Variants in BACH2 observed in about 807,000 individuals in gnomAD.
The protein encoded by BACH2 is transcription regulator protein BACH2.
BACH2 carries 5 observed loss-of-function variants against 61.8 expected under a neutral mutation model. The observed-to-expected ratio is 0.08, with a 90% CI of 0.04 to 0.17. The LOEUF (loss-of-function observed/expected upper bound fraction) is 0.17, where lower values mean the gene tolerates loss of function less well. Ranked by LOEUF, BACH2 falls within the 10% of genes least tolerant of loss-of-function variation. The pLI is 1.00. For synonymous variants in BACH2, 446 were observed against 440.1 expected (o/e 1.01, Z -0.17); for missense variants, 824 against 1,091.1 (o/e 0.76, Z 3.45).
At chr6:90,103,029 A>ATATATATATATATATATTTTTT in intron 4 of BACH2, among the ~76,000 whole-genome samples, 1 of 21,164 alleles carries the variant, frequency 4.7e-5, no homozygotes, top group Non-Finnish European at 8.0e-5. Context: ...ATATATATAT[A>ATATATATATATATATATTTTTT]TTTTTTTTTT....
chr6:90,271,542 T>G (rs1030201398), intron 2 of BACH2, among the ~76,000 whole-genome samples: 2 of 152,178 alleles, frequency 1.3e-5, no homozygotes, highest in Admixed American at 6.5e-5. Flanking sequence ...TAAAAGCTAA[T>G]AAACTAATTT....
At chr6:90,079,253 G>C (rs1279717066) in intron 5 of BACH2, among the ~76,000 whole-genome samples, 1 of 152,150 alleles carries the variant, frequency 6.6e-6, no homozygotes, top group African/African-American at 2.4e-5. Context: ...CTACAGGGCA[G>C]GCGTGTGCTC....
intron 6 of BACH2, among the ~76,000 whole-genome samples, chr6:89,999,436 T>C (rs1317818048): frequency 1.3e-5 from 2 of 150,218 alleles, no homozygotes; most frequent in Non-Finnish European, 1.5e-5. Context: ...CCATGATGTC[T>C]CTTTGTCACA....
chr6:90,277,737 T>C (rs1771739845), intron 1 of BACH2, among the ~76,000 whole-genome samples: 1 of 152,230 alleles, frequency 6.6e-6, no homozygotes, highest in Non-Finnish European at 1.5e-5. Flanking sequence ...TGGAAGAAGC[T>C]TAAGAGCTAG....
At chr6:90,269,744 C>G (rs1020778229) in intron 2 of BACH2, among the ~76,000 whole-genome samples, 7 of 152,180 alleles carry the variant, frequency 4.6e-5, no homozygotes, top group Non-Finnish European at 8.8e-5. Flanking sequence ...TGTTTGGATT[C>G]CTTATAACAA....
chr6:90,130,623 G>A (rs1784045768), intron 4 of BACH2, among the ~76,000 whole-genome samples: 2 of 152,290 alleles, frequency 1.3e-5, no homozygotes, highest in Middle Eastern at 3.4e-3. Flanking sequence ...TGGAGCTCAT[G>A]GACTTCTATC....
chr6:89,955,031 GTGA>G (rs1240999753), intron 6 of BACH2, among the ~76,000 whole-genome samples: 5 of 152,196 alleles, frequency 3.3e-5, no homozygotes, highest in Non-Finnish European at 7.3e-5. Flanking sequence ...GCTTTGTTTG[GTGA>G]GCCAGAATGA....
At chr6:90,138,940 C>A (rs1163788268) in intron 4 of BACH2, among the ~76,000 whole-genome samples, 1 of 152,166 alleles carries the variant, frequency 6.6e-6, no homozygotes. Context: ...GAAGTTAAAC[C>A]TGCGGGCCTC....
At chr6:90,049,456 G>T (rs1779935235) in intron 5 of BACH2, among the ~76,000 whole-genome samples, 1 of 152,142 alleles carries the variant, frequency 6.6e-6, no homozygotes, top group Non-Finnish European at 1.5e-5. Context: ...ATGAATCTCT[G>T]TGTGGTCTGT....
intron 1 of BACH2, among the ~76,000 whole-genome samples, chr6:90,276,627 GA>G (rs1771701170): frequency 6.6e-6 from 1 of 152,256 alleles, no homozygotes; most frequent in Non-Finnish European, 1.5e-5. Context: ...AAAAGAGTGA[GA>G]GAGAGAGGAA....
intron 4 of BACH2, among the ~76,000 whole-genome samples, chr6:90,125,135 T>C (rs565385235): frequency 2.9e-4 from 44 of 152,272 alleles, no homozygotes; most frequent in African/African-American, 1.0e-3. Context: ...AAATATGGTT[T>C]AGTCACAATG....
At position 90,107,082 on chromosome 6, in the gene BACH2, T is replaced by C. The variant is rs527469143; in HGVS notation, c.-161-17973A>G. Among the ~76,000 whole-genome samples the C allele has an allele frequency of 3.9e-5, 6 of 152,258 alleles. No homozygotes were observed. The East Asian group carries it at 1.2e-3, about 29-fold the overall frequency. On this transcript the variant is annotated intron_variant, in intron 4 of 8. Coordinates refer to ENST00000257749, the MANE Select transcript of BACH2 (RefSeq NM_021813.4). Reference sequence around the variant, plus strand: ...TAAAAATCATCATTTCAATTTAAAATCACATTATAGGCCGGGTGTGGTGGC... The same window carrying C: ...TAAAAATCATCATTTCAATTTAAAACCACATTATAGGCCGGGTGTGGTGGC...
intron 4 of BACH2, among the ~76,000 whole-genome samples, chr6:90,191,020 G>T (rs149527464): frequency 6.3e-4 from 96 of 152,352 alleles, no homozygotes; most frequent in African/African-American, 2.2e-3. Context: ...AAAAGGTGAA[G>T]TGTTTCAAGA....
Position 89,932,590 on chromosome 6 carries a change from C to T in BACH2, c.2344G>A (p.Ala782Thr). ...CAATTCTCGGAGGTGTTGCTGGGTG[C>T]CCAGGGGGGTCCGGGGGGAGCCGCG... ...PGAAPPGPPWAPSNTSENCTS... is the reference protein window; with the variant it reads ...PGAAPPGPPWTPSNTSENCTS... The change falls in exon 9 of 9, where the codon GCA (alanine) becomes ACA (threonine). Residue 782 changes from alanine to threonine, a missense_variant. Coordinates refer to ENST00000257749, the MANE Select transcript of BACH2 (RefSeq NM_021813.4). 1.2e-6 allele frequency: 2 copies of T among 1,613,996 alleles called. No individual in the cohort carries two copies. Among genetic ancestry groups the T allele is most frequent in the Non-Finnish European group, 1.7e-6 (2 of 1,179,994 alleles).
intron 1 of BACH2, among the ~76,000 whole-genome samples, 161 bp downstream of exon 1, chr6:90,296,319 G>C (rs1442442282): frequency 6.6e-6 from 1 of 151,466 alleles, no homozygotes; most frequent in East Asian, 2.0e-4. Flanking sequence ...ATAAAAGCGG[G>C]CAGGGCGCGG....
intron 6 of BACH2, among the ~76,000 whole-genome samples, chr6:90,006,123 C>T (rs550760744): frequency 1.3e-5 from 2 of 152,328 alleles, no homozygotes; most frequent in South Asian, 4.1e-4. Context: ...GTTTCCTTTA[C>T]ACTTTACTGC....
At chr6:90,031,885 C>A (rs1367073033) in intron 5 of BACH2, among the ~76,000 whole-genome samples, 5 of 152,168 alleles carry the variant, frequency 3.3e-5, no homozygotes, top group African/African-American at 7.2e-5. Context: ...AAAAAAAGAG[C>A]CCGCATTGCC....
intron 5 of BACH2, among the ~76,000 whole-genome samples, chr6:90,013,510 CTTT>C (rs35707698): frequency 5.1e-5 from 6 of 117,426 alleles, no homozygotes; most frequent in Non-Finnish European, 8.7e-5. Flanking sequence ...TTTTCTTTTT[CTTT>C]TTTTTTTTTT....
rs377407301 is a variant in BACH2, at chr6:90,287,438, T to A, written c.-446+9042A>T. 7.9e-5 allele frequency among the ~76,000 whole-genome samples: 12 copies of A among 152,306 alleles called. No individual in the cohort carries two copies. In the East Asian group the frequency reaches 2.3e-3, roughly 29 times the overall value. Reference sequence around the variant, plus strand: ...TAATATAGAATTTCAGGTTCATTGCTACTGAATAACAAAAATCCCTAACCA... The same window carrying A: ...TAATATAGAATTTCAGGTTCATTGCAACTGAATAACAAAAATCCCTAACCA... On this transcript the variant is annotated intron_variant, in intron 1 of 8. Transcript: ENST00000257749.
Sources: allele counts gnomAD v4.1 joint callset (sites outside exome capture counted in the v4.1 genomes callset), GRCh38; gene constraint gnomAD v4.1.1; transcripts MANE v1.5; gene names NCBI Gene and HGNC (gene_info 2026-07-23, HGNC 2026-07-21).